Variants in CDH13 observed in about 807,000 individuals in gnomAD.
The protein encoded by CDH13 is cadherin 13.
In CDH13, 24 loss-of-function variants were observed where a neutral mutation model predicts 63.8. The observed-to-expected ratio is 0.38, with a 90% CI of 0.27 to 0.53. The LOEUF is 0.53. Ranked by LOEUF, CDH13 falls within the 20% of genes least tolerant of loss-of-function variation. The probability of loss-of-function intolerance (pLI) is 0.85; values close to 1 mark genes in which losing one functional copy is unlikely to be tolerated. For missense variants in CDH13, 1,049 were observed against 903.1 expected (o/e 1.16, Z -2.07); for synonymous variants, 503 against 355.3 (o/e 1.42, Z -4.67).
At chr16:83,658,484 CGT>C (rs1913100530) in intron 8 of CDH13, among the ~76,000 whole-genome samples, 2 of 116,262 alleles carry the variant, frequency 1.7e-5, no homozygotes, top group Non-Finnish European at 3.6e-5. Context: ...CACCAGGTCC[CGT>C]ATCCTCACCA....
rs74514095 is a variant in CDH13, at chr16:83,382,468, C to T, written c.781+37462C>T. ...ATCCCCAGCTATTCACATTTCACTG[C>T]GTACACTCTATCTCCCTATGTATGT... On this transcript the variant is annotated intron_variant, in intron 6 of 13. Transcript: ENST00000567109. Among the ~76,000 whole-genome samples, 1,128 of 152,234 alleles carry T rather than the reference C, an allele frequency of 7.4e-3. 9 individuals are homozygous for T. Among genetic ancestry groups the T allele is most frequent in the Non-Finnish European group, 0.011 (768 of 68,008 alleles).
intron 7 of CDH13, among the ~76,000 whole-genome samples, chr16:83,530,068 T>C (rs919540734): frequency 4.6e-5 from 7 of 152,142 alleles, no homozygotes; most frequent in South Asian, 2.1e-4. Flanking sequence ...TCTCTGAAGA[T>C]TATTGTCTGT....
In CDH13 at chr16:82,697,423, CTTTTTTTTTTTTTT is replaced by C. The variant is rs34376129; in HGVS notation, c.45+70297_45+70310del. Reference sequence around the variant, plus strand: ...AAGGGGGCCAAGGCATTTCTTTTTTCTTTTTTTTTTTTTTTTTTTTTTTTGAGACAGAGTCTCAC... The same window carrying C: ...AAGGGGGCCAAGGCATTTCTTTTTTCTTTTTTTTTTGAGACAGAGTCTCAC... On this transcript the variant is annotated intron_variant, in intron 1 of 13. Coordinates refer to ENST00000567109, the MANE Select transcript of CDH13 (RefSeq NM_001257.5). Among the ~76,000 whole-genome samples the C allele has an allele frequency of 2.2e-3, 120 of 54,916 alleles. 2 individuals are homozygous for C. Among genetic ancestry groups the C allele is most frequent in the African/African-American group, 6.3e-3 (116 of 18,448 alleles). 36.0% of individuals were successfully genotyped at this position (54,916 alleles called of 152,430 possible). A position where few individuals can be genotyped will look rare whatever the true frequency, so the allele number is the denominator to read the frequency against.
At chr16:83,328,514 C>T (rs934969485) in intron 5 of CDH13, among the ~76,000 whole-genome samples, 9 of 152,108 alleles carry the variant, frequency 5.9e-5, no homozygotes, top group African/African-American at 2.2e-4. Flanking sequence ...TTTACGTATT[C>T]AAAGATCGTG....
intron 2 of CDH13, among the ~76,000 whole-genome samples, chr16:82,988,261 T>A (rs932320317): frequency 6.6e-6 from 1 of 152,164 alleles, no homozygotes; most frequent in Non-Finnish European, 1.5e-5. Context: ...TATAAAGAAA[T>A]GCCTTTAGAG....
chr16:83,313,277 T>G (rs1484640573), intron 5 of CDH13, among the ~76,000 whole-genome samples: 1 of 152,218 alleles, frequency 6.6e-6, no homozygotes, highest in Admixed American at 6.5e-5. Flanking sequence ...GAAAGGTGCA[T>G]TGGTGACTTG....
At chr16:82,722,011 C>T (rs1044123838) in intron 1 of CDH13, among the ~76,000 whole-genome samples, 5 of 152,180 alleles carry the variant, frequency 3.3e-5, no homozygotes, top group Non-Finnish European at 7.4e-5. Flanking sequence ...GTCGGACAGA[C>T]CACACTGCCA....
At chr16:82,920,305 G>A (rs900676911) in intron 2 of CDH13, among the ~76,000 whole-genome samples, 1 of 152,162 alleles carries the variant, frequency 6.6e-6, no homozygotes. Flanking sequence ...ATAATGCAAA[G>A]GTAGTTGCCA....
chr16:82,941,510 G>C (rs1475510957), intron 2 of CDH13, among the ~76,000 whole-genome samples: 1 of 152,200 alleles, frequency 6.6e-6, no homozygotes, highest in East Asian at 1.9e-4. Flanking sequence ...GTAGAAAATA[G>C]CCCTTCCCTT....
rs534900087 is a variant in CDH13, at chr16:83,028,365, C to G, written c.158-3645C>G. ...AGAACCGCAGGGTCCTGAGAGTCCA[C>G]TTGTGTGTCCATGCAAAGATGGCTC... On this transcript the variant is annotated intron_variant, in intron 2 of 13. Transcript: ENST00000567109. 2.6e-5 allele frequency among the ~76,000 whole-genome samples: 4 copies of G among 152,314 alleles called. No homozygotes were observed. In the East Asian group the frequency reaches 7.7e-4, roughly 29 times the overall value.
intron 1 of CDH13, among the ~76,000 whole-genome samples, chr16:82,755,682 T>G: frequency 6.6e-6 from 1 of 152,302 alleles, no homozygotes; most frequent in East Asian, 1.9e-4. Flanking sequence ...ATTAAAACTG[T>G]TAAAATCACT....
At position 83,188,963 on chromosome 16, in the gene CDH13, G is replaced by T. The variant is rs983560723; in HGVS notation, c.484-28382G>T. 1.6e-4 allele frequency among the ~76,000 whole-genome samples: 24 copies of T among 152,090 alleles called. 1 individual carries two copies. Among genetic ancestry groups the T allele is most frequent in the Admixed American group, 6.5e-5 (1 of 15,274 alleles). Reference sequence around the variant, plus strand: ...CAGGAAGCCTCTGTTTTTAACTTTAGCTGTGACACTGGGATCTCAGTCATG... The same window carrying T: ...CAGGAAGCCTCTGTTTTTAACTTTATCTGTGACACTGGGATCTCAGTCATG... On this transcript the variant is annotated intron_variant, in intron 4 of 13. Transcript: ENST00000567109.
intron 6 of CDH13, among the ~76,000 whole-genome samples, chr16:83,353,789 A>T (rs2151378168): frequency 6.6e-6 from 1 of 152,234 alleles, no homozygotes; most frequent in East Asian, 1.9e-4. Flanking sequence ...AGACCTTTGT[A>T]TTCTGGGTGA....
chr16:83,590,767 C>T (rs1412583685), intron 7 of CDH13, among the ~76,000 whole-genome samples: 1 of 151,940 alleles, frequency 6.6e-6, no homozygotes, highest in Non-Finnish European at 1.5e-5. Flanking sequence ...CGAAGTGTGC[C>T]CCTAAATCGA....
At chr16:82,780,196 A>C (rs1288209136) in intron 1 of CDH13, among the ~76,000 whole-genome samples, 2 of 152,106 alleles carry the variant, frequency 1.3e-5, no homozygotes, top group Non-Finnish European at 2.9e-5. Flanking sequence ...TAAGAAAAAA[A>C]CCCCACATAT....
intron 2 of CDH13, among the ~76,000 whole-genome samples, chr16:82,974,766 G>A (rs1013257913): frequency 2.0e-5 from 3 of 152,280 alleles, no homozygotes; most frequent in African/African-American, 7.2e-5. Flanking sequence ...CAAGGAAAGT[G>A]GGCAGCATGT....
intron 11 of CDH13, among the ~76,000 whole-genome samples, chr16:83,752,526 C>A (rs1369968265): frequency 6.6e-6 from 1 of 152,186 alleles, no homozygotes; most frequent in African/African-American, 2.4e-5. Context: ...GCAATCTGGT[C>A]TAAACTTCCG....
intron 6 of CDH13, among the ~76,000 whole-genome samples, chr16:83,359,801 C>G (rs915323668): frequency 2.6e-5 from 4 of 152,142 alleles, no homozygotes; most frequent in Non-Finnish European, 5.9e-5. Flanking sequence ...CATTCATATA[C>G]CATACAATTT....
chr16:83,055,614 G>T (rs2030844954), intron 3 of CDH13, among the ~76,000 whole-genome samples: 1 of 151,918 alleles, frequency 6.6e-6, no homozygotes, highest in African/African-American at 2.4e-5. Context: ...TGAAAACTCT[G>T]TAGCCTAAGA....
Sources: gnomAD v4.1 joint callset for allele counts (sites outside exome capture counted in the v4.1 genomes callset) on GRCh38, gnomAD v4.1.1 for gene constraint, MANE v1.5 for transcripts, NCBI Gene and HGNC (gene_info 2026-07-23, HGNC 2026-07-21) for gene names.